HTR1F: variants seen among roughly 807,000 people sequenced by gnomAD.
HTR1F encodes 5-hydroxytryptamine receptor 1F, also known as 5-hydroxytryptamine (serotonin) receptor 1F, G protein-coupled.
In HTR1F, 17 loss-of-function variants were observed where a neutral mutation model predicts 24.0. The ratio of observed to expected loss-of-function variants is 0.71; its 90% CI spans 0.48 to 1.06. HTR1F has a LOEUF of 1.06. Among genes scored for constraint, HTR1F ranks in the 50% least tolerant of loss-of-function variants. HTR1F has a pLI of 0.00. For synonymous variants in HTR1F, 186 were observed against 156.8 expected, an observed-to-expected ratio of 1.19 and a Z score of -1.39; for missense variants, 391 against 427.8, an observed-to-expected ratio of 0.91 and a Z score of 0.76.
chr3:87,888,140 TA>T (rs577697189), intron 2 of HTR1F, among the ~76,000 whole-genome samples: 2 of 151,984 alleles, frequency 1.3e-5, no homozygotes, highest in Non-Finnish European at 2.9e-5. Flanking sequence ...TATGCAGACA[TA>T]AAAAAAGATG....
intron 1 of HTR1F, among the ~76,000 whole-genome samples, chr3:87,807,316 T>C (rs1704089983): frequency 6.6e-6 from 1 of 152,032 alleles, no homozygotes; most frequent in African/African-American, 2.4e-5. Context: ...TGTTTTGTAG[T>C]TTTTCTTTTA....
intron 2 of HTR1F, among the ~76,000 whole-genome samples, chr3:87,854,875 T>A (rs1705164920): frequency 6.6e-6 from 1 of 152,070 alleles, no homozygotes; most frequent in Admixed American, 6.6e-5. Context: ...ATGTTTGTCA[T>A]TCTAGAAATG....
intron 2 of HTR1F, among the ~76,000 whole-genome samples, chr3:87,915,034 C>T (rs184380291): frequency 4.1e-4 from 63 of 152,200 alleles, no homozygotes; most frequent in Admixed American, 1.7e-3. Context: ...GCTGTGCAGA[C>T]GACCAACCCC....
At chr3:87,945,484 TAGG>T (rs952860156) in intron 2 of HTR1F, among the ~76,000 whole-genome samples, 29 of 152,168 alleles carry the variant, frequency 1.9e-4, no homozygotes, top group Middle Eastern at 3.4e-3. Flanking sequence ...GAAGGAAAGG[TAGG>T]GGCGCACACA....
At chr3:87,979,717 C>A (rs1292650191) in intron 2 of HTR1F, among the ~76,000 whole-genome samples, 1 of 152,234 alleles carries the variant, frequency 6.6e-6, no homozygotes, top group East Asian at 1.9e-4. Context: ...AGACCCCATG[C>A]CTTCCAAGGC....
chr3:87,952,328 AG>A (rs752022566), intron 2 of HTR1F, among the ~76,000 whole-genome samples: 3 of 152,020 alleles, frequency 2.0e-5, no homozygotes, highest in Non-Finnish European at 4.4e-5. Context: ...TAGTTTCTAA[AG>A]CATTTAATTC....
chr3:87,914,005 C>T (rs552125281), intron 2 of HTR1F, among the ~76,000 whole-genome samples: 5 of 152,214 alleles, frequency 3.3e-5, no homozygotes, highest in Non-Finnish European at 5.9e-5. Flanking sequence ...CTGAAGGAAG[C>T]GGATTGCTCC....
chr3:87,985,613 C>A (rs1274868974), intron 2 of HTR1F, among the ~76,000 whole-genome samples: 1 of 152,140 alleles, frequency 6.6e-6, no homozygotes, highest in East Asian at 1.9e-4. Context: ...ACATTGCATG[C>A]AGAAGTAAAC....
Position 87,990,829 on chromosome 3 carries a change from C to G in HTR1F, c.80C>G (p.Ser27Cys), listed in dbSNP as rs1705804847. Residue 27 changes from serine to cysteine, a missense_variant, in exon 3 of 3, where the codon TCC (serine) becomes TGC (cysteine). Ser to Cys is a moderately radical substitution (Grantham distance 112). Coordinates refer to ENST00000319595, the MANE Select transcript of HTR1F (RefSeq NM_001322209.2). The stretch of plus-strand genomic sequence containing the variant: ...AGAATGCCATCCAAAATTCTGGTGT[C>G]CCTCACTCTGTCTGGGCTGGCACTG... The part of the protein sequence containing the change: ...LNRMPSKILV[S>C]LTLSGLALMT... The G allele has an allele frequency of 1.2e-6, 2 of 1,614,030 alleles. No individual in the cohort carries two copies. The highest frequency in any genetic ancestry group is 1.7e-6 in the Non-Finnish European group (2 of 1,179,882).
At position 87,940,865 on chromosome 3, in the gene HTR1F, T is replaced by C. The variant is rs576391383; in HGVS notation, c.-42-49843T>C. On this transcript the variant is annotated intron_variant, in intron 2 of 2. Transcript: ENST00000319595. The stretch of plus-strand genomic sequence containing the variant: ...CACAAGTCTCCTATAGCAGTGAGTA[T>C]GCCATTCATATCATGAGATGTCCAC... 1.1e-4 allele frequency among the ~76,000 whole-genome samples: 16 copies of C among 152,338 alleles called. 1 individual carries two copies. In the East Asian group the frequency reaches 3.1e-3, roughly 29 times the overall value.
chr3:87,939,555 G>C (rs1478417827), intron 2 of HTR1F, among the ~76,000 whole-genome samples: 1 of 152,104 alleles, frequency 6.6e-6, no homozygotes, highest in Non-Finnish European at 1.5e-5. Flanking sequence ...TTCAGAACTT[G>C]ATACTGGTCT....
intron 2 of HTR1F, among the ~76,000 whole-genome samples, chr3:87,966,288 A>T (rs2107487598): frequency 6.6e-6 from 1 of 152,276 alleles, no homozygotes; most frequent in Non-Finnish European, 1.5e-5. Context: ...TCCCCTCCTA[A>T]TACCATAACC....
At chr3:87,869,226 A>G (rs1325099797) in intron 2 of HTR1F, among the ~76,000 whole-genome samples, 1 of 152,086 alleles carries the variant, frequency 6.6e-6, no homozygotes, top group Admixed American at 6.6e-5. Context: ...CTAAGTATAT[A>G]TTAATATGTC....
At chr3:87,850,520 A>G (rs1705061892) in intron 2 of HTR1F, among the ~76,000 whole-genome samples, 1 of 151,870 alleles carries the variant, frequency 6.6e-6, no homozygotes, top group South Asian at 2.1e-4. Context: ...TGACGAGTTA[A>G]TGGGTGCAGC....
At chr3:87,974,556 C>T (rs1284865986) in intron 2 of HTR1F, among the ~76,000 whole-genome samples, 1 of 50,014 alleles carries the variant, frequency 2.0e-5, no homozygotes, top group Non-Finnish European at 6.6e-5. Flanking sequence ...AGATGCCTGG[C>T]AATCTTTTTT....
At chr3:87,931,026 C>CTTTTTTTTTTTTTTTTTTTTTTCTTT (rs34617109) in intron 2 of HTR1F, among the ~76,000 whole-genome samples, 2 of 131,836 alleles carry the variant, frequency 1.5e-5, no homozygotes, top group Non-Finnish European at 1.6e-5. Flanking sequence ...ATAGTCTTTC[C>CTTTTTTTTTTTTTTTTTTTTTTCTTT]TTTTTTTTTT....
At chr3:87,970,219 G>T (rs1312846448) in intron 2 of HTR1F, among the ~76,000 whole-genome samples, 1 of 152,174 alleles carries the variant, frequency 6.6e-6, no homozygotes, top group Admixed American at 6.5e-5. Flanking sequence ...TAACCAAGTG[G>T]TTATCTCAGG....
At position 87,852,117 on chromosome 3, in the gene HTR1F, T is replaced by C. The variant is rs565396078; in HGVS notation, c.-43+29993T>C. Reference sequence around the variant, plus strand: ...CTTTCATGGGCATTTCCCTGATTAATATGAATTTCATTATATTTTTATGTT... The same window carrying C: ...CTTTCATGGGCATTTCCCTGATTAACATGAATTTCATTATATTTTTATGTT... On this transcript the variant is annotated intron_variant, in intron 2 of 2. Coordinates refer to ENST00000319595, the MANE Select transcript of HTR1F (RefSeq NM_001322209.2). Among the ~76,000 whole-genome samples the C allele has an allele frequency of 4.7e-4, 71 of 151,800 alleles. 1 individual carries two copies. The highest frequency in any genetic ancestry group is 1.4e-3 in the African/African-American group (59 of 41,326).
chr3:87,944,366 G>T (rs1704644908), intron 2 of HTR1F, among the ~76,000 whole-genome samples: 1 of 152,170 alleles, frequency 6.6e-6, no homozygotes, highest in Admixed American at 6.5e-5. Flanking sequence ...GTACTTTAAG[G>T]CTTGGCTGAG....
Sources: gnomAD v4.1 joint callset for allele counts (sites outside exome capture counted in the v4.1 genomes callset) on GRCh38, gnomAD v4.1.1 for gene constraint, MANE v1.5 for transcripts, NCBI Gene and HGNC (gene_info 2026-07-23, HGNC 2026-07-21) for gene names.